DOCK6: variants seen among roughly 807,000 people sequenced by gnomAD.
The protein encoded by DOCK6 is dedicator of cytokinesis protein 6.
DOCK6 carries 167 observed loss-of-function variants against 230.3 expected under a neutral mutation model. The ratio of observed to expected loss-of-function variants is 0.73; its 90% confidence interval spans 0.64 to 0.82. The LOEUF (loss-of-function observed/expected upper bound fraction) is 0.82. Among genes scored for constraint, DOCK6 ranks in the 40% least tolerant of loss-of-function variants. DOCK6 has a pLI of 0.00. For synonymous variants in DOCK6, 1,148 were observed against 1,185.0 expected (o/e 0.97, Z 0.64); for missense variants, 2,598 against 2,825.8 (o/e 0.92, Z 1.83).
rs2080140042 is a variant in DOCK6, at chr19:11,252,852, G to A, written c.239C>T (p.Ala80Val). The A allele has an allele frequency of 6.2e-7, 1 of 1,613,760 alleles. No individual in the cohort carries two copies. The highest frequency in any genetic ancestry group is 8.5e-7 in the Non-Finnish European group (1 of 1,179,862). The change falls in exon 3 of 48, where the codon GCT becomes GTT. Residue 80 changes from alanine (A) to valine (V), a missense_variant. Transcript: ENST00000294618. Reference protein sequence around the residue: ...GPLRDLVEFPADDLELLLQPR... With the variant: ...GPLRDLVEFPVDDLELLLQPR... ...CTGCAGCAGCAGCTCCAAGTCATCAGCTGGGAATTCTACCAGGTCCCTGAG... is the reference window on the plus strand; with the variant it reads ...CTGCAGCAGCAGCTCCAAGTCATCAACTGGGAATTCTACCAGGTCCCTGAG...
chr19:11,203,464 G>A (rs926389924), intron 41 of DOCK6, among the ~76,000 whole-genome samples: 6 of 151,898 alleles, frequency 4.0e-5, no homozygotes, highest in East Asian at 3.9e-4. Flanking sequence ...GGGCGGGGGC[G>A]AAGAGGACCT....
intron 24 of DOCK6, 61 bp from the exon 25 acceptor site, chr19:11,223,167 C>T: frequency 6.7e-7 from 1 of 1,492,786 alleles, no homozygotes; most frequent in South Asian, 1.2e-5. Context: ...AGGGGCTTGG[C>T]TCTCACCAAG....
In DOCK6 at chr19:11,250,904, G is replaced by A. The variant is rs527460237; in HGVS notation, c.690C>T (p.Ala230=). ...CAGGTGCCGGGTAGAGGGTGAGCAG[G>A]GCCGGGGGCCGGTGCTGCCGTCGAA... The part of the protein sequence containing the change: ...ETLRRQHRPP[A]LLTLYPAPDE... Residue 230 remains alanine (A), a synonymous_variant, in exon 6 of 48, where the codon GCC becomes GCT. Coordinates refer to ENST00000294618, the MANE Select transcript of DOCK6 (RefSeq NM_020812.4). The A allele has an allele frequency of 2.9e-5, 47 of 1,604,894 alleles. No homozygotes were observed. The South Asian group carries it at 4.6e-4, about 16-fold the overall frequency.
In DOCK6 at chr19:11,201,168, A is replaced by G. The variant is rs993891646; in HGVS notation, c.5689-116T>C. ...TGAGAGGGGTCCAAGAACCCAGGCA[A>G]TGAACAGAATCTGGGGGCCTTCCTG... On this transcript the variant is annotated intron_variant, in intron 44 of 47. Coordinates refer to ENST00000294618, the MANE Select transcript of DOCK6 (RefSeq NM_020812.4). The surrounding 1 kb of genome is among the most constrained non-coding windows in gnomAD (Gnocchi z 4.3). 2 of 1,328,154 alleles carry G rather than the reference A, an allele frequency of 1.5e-6. No homozygotes were observed. Among genetic ancestry groups the G allele is most frequent in the African/African-American group, 2.9e-5 (2 of 68,598 alleles). The allele number at this position is 1,328,154 out of a possible 1,614,324, so 82.3% of individuals were successfully genotyped here. A position where few individuals can be genotyped will look rare whatever the true frequency, so the allele number is the denominator to read the frequency against.
chr19:11,213,210 T>A lies in DOCK6; in HGVS notation c.4457A>T (p.Tyr1486Phe), dbSNP rs754531259. The change falls in exon 35 of 48, where the codon TAC (tyrosine) becomes TTC (phenylalanine). Residue 1486 changes from tyrosine to phenylalanine, a missense_variant. Tyr to Phe is a conservative substitution (Grantham distance 22). Transcript: ENST00000294618. Reference protein sequence around the residue: ...TIRTHASASLYLLMRQNFEIG... With the variant: ...TIRTHASASLFLLMRQNFEIG... ...CTCGAAGTTCTGTCGCATGAGCAGG[T>A]ACAGCGAGGCGCTGGCGTGCGTGCG... 1 of 1,613,170 alleles carries A rather than the reference T, an allele frequency of 6.2e-7. No individual in the cohort carries two copies. The highest frequency in any genetic ancestry group is 2.2e-5 in the East Asian group (1 of 44,884).
intron 24 of DOCK6, among the ~76,000 whole-genome samples, chr19:11,226,532 C>T (rs756336369): frequency 6.6e-6 from 1 of 152,132 alleles, no homozygotes; most frequent in Non-Finnish European, 1.5e-5. Flanking sequence ...GTAGTGCATG[C>T]CTGTAATCCC....
chr19:11,236,524 G>A lies in DOCK6; in HGVS notation c.2214C>T (p.Ala738=). The A allele has an allele frequency of 6.2e-7, 1 of 1,604,600 alleles. No individual in the cohort carries two copies. The highest frequency in any genetic ancestry group is 8.5e-7 in the Non-Finnish European group (1 of 1,175,928). ...FTLVHVLEEG[A]FPFRLKDTVL... is the part of the protein sequence containing the mutation. ...CAGTGTCCTTGAGCCGGAATGGGAA[G>A]GCTCCCTCCTCCAGGACGTGCACCA... The change falls in exon 20 of 48, where the codon GCC becomes GCT. Residue 738 remains alanine (A), a synonymous_variant. Transcript: ENST00000294618. This position sits in a 1 kb window ranked among gnomAD's most constrained non-coding sequence, Gnocchi z 5.2.
rs1381185073 is a variant in DOCK6 at position 11,245,627 on chromosome 19, G to A, written c.959C>T (p.Thr320Ile). 1.2e-5 allele frequency: 19 copies of A among 1,600,132 alleles called. No homozygotes were observed. Among genetic ancestry groups the A allele is most frequent in the Non-Finnish European group, 1.6e-5 (19 of 1,173,450 alleles). Residue 320 changes from threonine (T) to isoleucine (I), a missense_variant, in exon 9 of 48, where the codon ACC (threonine) becomes ATC (isoleucine). Physicochemically the swap from Thr to Ile is moderately conservative, Grantham distance 89. Transcript: ENST00000294618. Reference protein sequence around the residue: ...RAHGTHPAISTLARSAIFSVT... With the variant: ...RAHGTHPAISILARSAIFSVT... The stretch of plus-strand genomic sequence containing the variant: ...AGAGAAGATGGCAGAGCGGGCCAGG[G>A]TGGAGATGGCAGGGTGGGTGCCATG...
chr19:11,239,602 GTGACAGTGCTGTGGCTATACCTT>G, intron 14 of DOCK6: 1 of 1,609,400 alleles, frequency 6.2e-7, no homozygotes, highest in Non-Finnish European at 8.5e-7. Flanking sequence ...AAAGGCTTCA[GTGACAGTGCTGTGGCTATACCTT>G]AGACCCTCAG....
chr19:11,258,025 C>A (rs570234290), intron 1 of DOCK6, among the ~76,000 whole-genome samples: 77 of 152,150 alleles, frequency 5.1e-4, no homozygotes, highest in Admixed American at 5.2e-4. Context: ...CAATTCTACT[C>A]CAAGGTGTGG....
Position 11,227,442 on chromosome 19 carries a change from C to T in DOCK6, c.2850G>A (p.Gln950=). 6.2e-7 allele frequency: 1 copy of T among 1,608,060 alleles called. No individual in the cohort carries two copies. The highest frequency in any genetic ancestry group is 8.5e-7 in the Non-Finnish European group (1 of 1,177,540). ...KSMALHLLLG[Q]RLDTPRKLRF... ...GCAGCTTGCGGGGTGTGTCTAGTCGCTGGCCAAGCAGCAGGTGCAGCGCCA... is the reference window on the plus strand; with the variant it reads ...GCAGCTTGCGGGGTGTGTCTAGTCGTTGGCCAAGCAGCAGGTGCAGCGCCA... The change falls in exon 24 of 48, where the codon CAG becomes CAA. Residue 950 remains glutamine, a synonymous_variant. Transcript: ENST00000294618.
At chr19:11,205,004 C>T (rs955776420) in intron 39 of DOCK6, among the ~76,000 whole-genome samples, 3 of 152,180 alleles carry the variant, frequency 2.0e-5, no homozygotes, top group African/African-American at 7.2e-5. Flanking sequence ...AGGGCCAAGA[C>T]CCAAACACCC....
chr19:11,251,239 T>A, intron 5 of DOCK6, 153 bp from the exon 6 acceptor site: 1 of 735,750 alleles, frequency 1.4e-6, no homozygotes, highest in Non-Finnish European at 2.2e-6. Flanking sequence ...GGGTTTTGCC[T>A]ACCCTCTTTC....
At chr19:11,261,250 G>C (rs1423497702) in intron 1 of DOCK6, among the ~76,000 whole-genome samples, 4 of 151,608 alleles carry the variant, frequency 2.6e-5, no homozygotes, top group African/African-American at 4.9e-5. Context: ...AACTGGCCTC[G>C]ATCGATCCCT....
In DOCK6 at chr19:11,245,821, C is replaced by G. The variant is rs367545127; in HGVS notation, c.864G>C (p.Glu288Asp). ...AAAAAGGGCCTCCTACCTTCTTTTT[C>G]TCCCGCACATCATACAGAGCCAAGA... ...FGILALYDVR[E>D]KKKISENFYF... The change falls in exon 8 of 48, where the codon GAG becomes GAC. Residue 288 changes from glutamate to aspartate, a missense_variant. Glu to Asp is a conservative substitution (Grantham distance 45, BLOSUM62 2). Transcript: ENST00000294618. The G allele has an allele frequency of 1.6e-5, 25 of 1,575,076 alleles. No homozygotes were observed. The highest frequency in any genetic ancestry group is 2.0e-5 in the Non-Finnish European group (23 of 1,159,922).
Position 11,233,363 on chromosome 19 carries a change from G to A in DOCK6, c.2558C>T (p.Ala853Val), listed in dbSNP as rs766434136. 1.2e-6 allele frequency: 2 copies of A among 1,612,964 alleles called. No homozygotes were observed. The highest frequency in any genetic ancestry group is 1.7e-6 in the Non-Finnish European group (2 of 1,179,160). ...GGCAGCCTGCACTGTCACTGGAGGG[G>A]CCCCTGAGGATGGAGTGAATAGGGT... ...PGTEPSLPDGAPPVTVQAATL... is the reference protein window; with the variant it reads ...PGTEPSLPDGVPPVTVQAATL... Residue 853 changes from alanine (A) to valine (V), a missense_variant, in exon 22 of 48, where the codon GCC becomes GTC. Coordinates refer to ENST00000294618, the MANE Select transcript of DOCK6 (RefSeq NM_020812.4).
chr19:11,225,354 A>G (rs1599235896), intron 24 of DOCK6, among the ~76,000 whole-genome samples: 1 of 152,374 alleles, frequency 6.6e-6, no homozygotes, highest in East Asian at 1.9e-4. Context: ...AGACAAGGCC[A>G]GAACCTTTGA....
chr19:11,205,006 C>T (rs1205265474), intron 39 of DOCK6, among the ~76,000 whole-genome samples: 2 of 152,178 alleles, frequency 1.3e-5, no homozygotes, highest in Non-Finnish European at 2.9e-5. Flanking sequence ...GGCCAAGACC[C>T]AAACACCCAC....
chr19:11,244,783 TG>T (rs777344687), intron 9 of DOCK6, among the ~76,000 whole-genome samples: 8 of 151,714 alleles, frequency 5.3e-5, no homozygotes, highest in Non-Finnish European at 8.8e-5. Flanking sequence ...TAGTAGAGAA[TG>T]GGTTTCACCA....
Sources: gnomAD v4.1 joint callset for allele counts (sites outside exome capture counted in the v4.1 genomes callset) on GRCh38, gnomAD v4.1.1 for gene constraint, Gnocchi (gnomAD v3.1) non-coding constraint, MANE v1.5 for transcripts, NCBI Gene and HGNC (gene_info 2026-07-23, HGNC 2026-07-21) for gene names.